The following PDE1A variants were observed in gnomAD, a reference collection of about 807,000 sequenced individuals.
PDE1A encodes dual specificity calcium/calmodulin-dependent 3',5'-cyclic nucleotide phosphodiesterase 1A.
PDE1A carries 35 observed loss-of-function variants against 61.7 expected under a neutral mutation model. That is an observed-to-expected ratio of 0.57 (90% CI 0.43 to 0.75). The LOEUF (loss-of-function observed/expected upper bound fraction) is 0.75, where lower values mean the gene tolerates loss of function less well. Ranked by LOEUF, PDE1A falls within the 30% of genes least tolerant of loss-of-function variation. PDE1A has a pLI of 0.00. For synonymous variants in PDE1A, 232 were observed against 213.2 expected, an observed-to-expected ratio of 1.09 and a Z score of -0.77; for missense variants, 597 against 630.6, an observed-to-expected ratio of 0.95 and a Z score of 0.57.
chr2:182,388,247 AC>A (rs1701230140), intron 1 of PDE1A, among the ~76,000 whole-genome samples: 2 of 152,176 alleles, frequency 1.3e-5, no homozygotes, highest in South Asian at 4.1e-4. Flanking sequence ...GGATATCAAC[AC>A]TCCACTTTCA....
the PDE1A span, among the ~76,000 whole-genome samples, chr2:182,536,989 G>C: frequency 6.6e-6 from 1 of 152,202 alleles, no homozygotes; most frequent in Non-Finnish European, 1.5e-5. Context: ...ACATGTAAGT[G>C]AAGGCTAAGA....
the PDE1A span, among the ~76,000 whole-genome samples, chr2:182,584,998 G>T: frequency 0.63 from 96,229 of 152,078 alleles, 33,787 homozygotes; most frequent in East Asian, 0.95. Flanking sequence ...AAGTAAGAGG[G>T]TTCTTCAACT....
chr2:182,140,155 T>C (rs2125248465), exon 15 of PDE1A: 1 of 152,378 alleles, frequency 6.6e-6, no homozygotes. Context: ...AGGTGCATTT[T>C]ATTTGCAACT....
In PDE1A at chr2:182,329,084, A is replaced by C. The variant is rs1046508894; in HGVS notation, c.54-64670T>G. Among the ~76,000 whole-genome samples the C allele has an allele frequency of 5.9e-5, 9 of 152,210 alleles. No individual in the cohort carries two copies. In the East Asian group the frequency reaches 1.7e-3, roughly 29 times the overall value. On this transcript the variant is annotated intron_variant, in intron 1 of 13. Coordinates refer to ENST00000351439, the Ensembl canonical transcript of PDE1A. ...AAACAACTACCAGCAGGGGTAAAAA[A>C]ATTATACACAACAAAAATAAAAACT...
chr2:182,390,310 A>G (rs946465656), intron 1 of PDE1A, among the ~76,000 whole-genome samples: 2 of 152,176 alleles, frequency 1.3e-5, no homozygotes, highest in African/African-American at 4.8e-5. Context: ...CTCTACTTCT[A>G]ACAGTATGGA....
At chr2:182,552,073 A>C in the PDE1A span, among the ~76,000 whole-genome samples, 4 of 152,190 alleles carry the variant, frequency 2.6e-5, no homozygotes, top group Non-Finnish European at 4.4e-5. Flanking sequence ...CAACTCTTTG[A>C]AACCTTTAAA....
chr2:182,160,426 C>T (rs1691315294), intron 13 of PDE1A, among the ~76,000 whole-genome samples: 1 of 152,160 alleles, frequency 6.6e-6, no homozygotes, highest in South Asian at 2.1e-4. Flanking sequence ...TAAAGCAATG[C>T]AGGCAGGAAA....
At chr2:182,445,284 T>C (rs983465462) in intron 2 of PDE1A, among the ~76,000 whole-genome samples, 1 of 152,102 alleles carries the variant, frequency 6.6e-6, no homozygotes, top group Non-Finnish European at 1.5e-5. Context: ...TCGACAGGGT[T>C]AATGTAAGCC....
chr2:182,507,007 T>C (rs772157160), intron 2 of PDE1A, among the ~76,000 whole-genome samples: 1 of 152,236 alleles, frequency 6.6e-6, no homozygotes, highest in Non-Finnish European at 1.5e-5. Context: ...GGAAGAAATA[T>C]TTTATGTGGA....
At chr2:182,572,639 G>A in the PDE1A span, among the ~76,000 whole-genome samples, 1 of 152,048 alleles carries the variant, frequency 6.6e-6, no homozygotes, top group Non-Finnish European at 1.5e-5. Context: ...TTCCAGCTGA[G>A]GCGGGCGGAT....
At chr2:182,600,442 G>A in the PDE1A span, among the ~76,000 whole-genome samples, 2 of 152,096 alleles carry the variant, frequency 1.3e-5, no homozygotes, top group South Asian at 4.2e-4. Flanking sequence ...TTGTGTAGCT[G>A]AAAAAAAATA....
intron 1 of PDE1A, among the ~76,000 whole-genome samples, chr2:182,348,006 G>T (rs1321102813): frequency 6.6e-6 from 1 of 152,102 alleles, no homozygotes; most frequent in Admixed American, 6.5e-5. Flanking sequence ...CAAATGAAGT[G>T]ACACATTTAA....
At chr2:182,537,233 A>G in the PDE1A span, among the ~76,000 whole-genome samples, 1 of 152,232 alleles carries the variant, frequency 6.6e-6, no homozygotes, top group East Asian at 1.9e-4. Context: ...TTACATTGAT[A>G]TTGAATGTAG....
chr2:182,471,987 T>C (rs1240961043), intron 2 of PDE1A, among the ~76,000 whole-genome samples: 2 of 151,756 alleles, frequency 1.3e-5, no homozygotes, highest in African/African-American at 4.8e-5. Context: ...ATCAGATGAA[T>C]GCAAATTAAT....
At chr2:182,242,109 C>T (rs1690562924) in intron 2 of PDE1A, 1 of 1,254,070 alleles carries the variant, frequency 8.0e-7, no homozygotes, top group African/African-American at 1.5e-5. Context: ...TCCACTGCAG[C>T]CTAGTTTTGT....
chr2:182,553,481 C>T, the PDE1A span, among the ~76,000 whole-genome samples: 9 of 152,324 alleles, frequency 5.9e-5, no homozygotes, highest in Non-Finnish European at 8.8e-5. Flanking sequence ...CCACCTGCCT[C>T]GGTCTCCCAA....
chr2:182,526,710 T>A (rs927990876), upstream of PDE1A, among the ~76,000 whole-genome samples: 26 of 152,212 alleles, frequency 1.7e-4, no homozygotes, highest in Non-Finnish European at 3.2e-4. Context: ...GCATCCAAGG[T>A]TACCTAGAAT....
intron 2 of PDE1A, among the ~76,000 whole-genome samples, chr2:182,260,152 G>C (rs571099669): frequency 1.3e-5 from 2 of 152,034 alleles, no homozygotes; most frequent in Admixed American, 1.3e-4. Context: ...AATCATTAAG[G>C]CTCTGTATGT....
At chr2:182,692,742 A>G in the PDE1A span, among the ~76,000 whole-genome samples, 1 of 150,354 alleles carries the variant, frequency 6.7e-6, no homozygotes, top group Non-Finnish European at 1.5e-5. Flanking sequence ...CAGATATAAA[A>G]CAATCTGGAC....
Sources: allele counts gnomAD v4.1 joint callset (sites outside exome capture counted in the v4.1 genomes callset), GRCh38; gene constraint gnomAD v4.1.1; transcripts MANE v1.5; gene names NCBI Gene and HGNC (gene_info 2026-07-23, HGNC 2026-07-21).